Variants in MAPT observed in about 807,000 individuals in gnomAD.
MAPT encodes microtubule-associated protein tau.
MAPT carries 34 observed loss-of-function variants against 67.9 expected under a neutral mutation model. That is an observed-to-expected ratio of 0.50 (90% confidence interval 0.38 to 0.67). The LOEUF is 0.67. Ranked by LOEUF, MAPT falls within the 30% of genes least tolerant of loss-of-function variation. MAPT has a pLI of 0.00. For synonymous variants in MAPT, 456 were observed against 464.5 expected (o/e 0.98, Z 0.23); for missense variants, 881 against 1,115.2 (o/e 0.79, Z 2.99).
intron 11 of MAPT, among the ~76,000 whole-genome samples, chr17:46,016,627 C>T (rs62062280): frequency 0.14 from 21,771 of 152,000 alleles, 2,127 homozygotes; most frequent in Non-Finnish European, 0.22. Flanking sequence ...AAAAATTAGC[C>T]GGGCATGGTG....
At chr17:45,989,004 G>T (rs770551809) in intron 6 of MAPT, among the ~76,000 whole-genome samples, 2 of 152,126 alleles carry the variant, frequency 1.3e-5, no homozygotes, top group Admixed American at 6.5e-5. Flanking sequence ...GTGTGGTGGG[G>T]GTGGGTGTAA....
In MAPT at chr17:46,018,706, C is replaced by T. The variant is rs747658161; in HGVS notation, c.2262C>T (p.His754=). ...SKIGSLDNIT[H]VPGGGNKKIE... ...TTGGGTCCCTGGACAATATCACCCA[C>T]GTCCCTGGCGGAGGAAATAAAAAGG... Residue 754 remains histidine (H), a synonymous_variant, in exon 12 of 13, where the codon CAC becomes CAT. Transcript: ENST00000262410. 119 of 1,613,822 alleles carry T rather than the reference C, an allele frequency of 7.4e-5. No homozygotes were observed. The highest frequency in any genetic ancestry group is 3.7e-4 in the African/African-American group (28 of 74,912).
At chr17:45,999,670 G>A (rs1036725799) in intron 9 of MAPT, 11 of 1,583,374 alleles carry the variant, frequency 6.9e-6, no homozygotes, top group Non-Finnish European at 8.6e-6. Context: ...AGTGTAGAAA[G>A]GGGCAGATGG....
At chr17:45,946,899 A>G (rs1286845078) in intron 1 of MAPT, among the ~76,000 whole-genome samples, 1 of 152,122 alleles carries the variant, frequency 6.6e-6, no homozygotes, top group Non-Finnish European at 1.5e-5. Flanking sequence ...CCGTGTGCAC[A>G]CAGTGGCACC....
At chr17:45,978,932 G>A (rs2145581549) in intron 4 of MAPT, 1 of 154,200 alleles carries the variant, frequency 6.5e-6, no homozygotes, top group East Asian at 1.9e-4. Context: ...GAACCCAGGA[G>A]GTGGACGTTG....
chr17:45,949,834 G>A (rs1193047026), intron 1 of MAPT, among the ~76,000 whole-genome samples: 1 of 152,182 alleles, frequency 6.6e-6, no homozygotes, highest in Non-Finnish European at 1.5e-5. Context: ...GTGGCAGGTG[G>A]AGGAAGGCGG....
intron 1 of MAPT, among the ~76,000 whole-genome samples, chr17:45,941,660 TTCCCC>T (rs2067905908): frequency 2.4e-5 from 2 of 84,768 alleles, no homozygotes; most frequent in Admixed American, 1.5e-4. Context: ...CCTTCCACCC[TTCCCC>T]CCTTCCCCCC....
intron 1 of MAPT, among the ~76,000 whole-genome samples, chr17:45,938,022 C>A (rs879439037): frequency 1.3e-5 from 2 of 152,194 alleles, no homozygotes; most frequent in Non-Finnish European, 2.9e-5. Flanking sequence ...CATCCAGGTC[C>A]ATTTCTTTCC....
chr17:45,983,496 A>T lies in MAPT; in HGVS notation c.917A>T (p.Asp306Val). Residue 306 changes from aspartate to valine, a missense_variant, in exon 5 of 13, where the codon GAC (aspartate) becomes GTC (valine). Asp to Val is a radical substitution (Grantham distance 152). Coordinates refer to ENST00000262410, the MANE Select transcript of MAPT (RefSeq NM_001377265.1). ...GACGTCGATGAGTCCTCCCCCCAAG[A>T]CTCCCCTCCCTCCAAGGCCTCCCCA... The part of the protein sequence containing the change: ...DRDVDESSPQ[D>V]SPPSKASPAQ... 1 of 1,610,984 alleles carries T rather than the reference A, an allele frequency of 6.2e-7. No homozygotes were observed. The highest frequency in any genetic ancestry group is 8.5e-7 in the Non-Finnish European group (1 of 1,178,946).
chr17:46,009,733 A>G (rs1310452485), intron 9 of MAPT, among the ~76,000 whole-genome samples: 6 of 152,186 alleles, frequency 3.9e-5, no homozygotes, highest in African/African-American at 1.4e-4. Context: ...CACCAGGGGA[A>G]CTTTTCAAAA....
intron 10 of MAPT, among the ~76,000 whole-genome samples, chr17:46,013,477 A>G (rs1265183492): frequency 6.6e-6 from 1 of 152,178 alleles, no homozygotes; most frequent in Non-Finnish European, 1.5e-5. Flanking sequence ...AGGCCTCCTC[A>G]TGTGTGTCTG....
At chr17:45,951,689 C>A (rs2069097493) in intron 1 of MAPT, among the ~76,000 whole-genome samples, 2 of 152,102 alleles carry the variant, frequency 1.3e-5, no homozygotes, top group Admixed American at 6.5e-5. Context: ...CCCCTTCCCC[C>A]ACCCCGCCCC....
chr17:45,963,528 C>T (rs2145327935), intron 2 of MAPT, among the ~76,000 whole-genome samples: 1 of 152,344 alleles, frequency 6.6e-6, no homozygotes, highest in Admixed American at 6.5e-5. Flanking sequence ...AGCAACAGCC[C>T]ACAGTGCAGC....
intron 1 of MAPT, among the ~76,000 whole-genome samples, chr17:45,947,383 C>CT (rs374326954): frequency 1.7e-3 from 232 of 138,418 alleles, no homozygotes; most frequent in East Asian, 2.9e-3. Flanking sequence ...CTTTCTTTTT[C>CT]TTTTTTTTTT....
rs2073122289 is a variant in MAPT at position 45,982,954 on chromosome 17, C to T, written c.375C>T (p.Cys125=). The T allele has an allele frequency of 1.5e-5, 22 of 1,426,198 alleles. No individual in the cohort carries two copies. Among genetic ancestry groups the T allele is most frequent in the Non-Finnish European group, 1.9e-5 (21 of 1,093,746 alleles). 88.3% of individuals were successfully genotyped at this position (1,426,198 alleles called of 1,614,324 possible). A position where few individuals can be genotyped will look rare whatever the true frequency, so the allele number is the denominator to read the frequency against. Residue 125 remains cysteine (C), a synonymous_variant, in exon 5 of 13, where the codon TGC becomes TGT. Transcript: ENST00000262410. ...EISAHVQPGP[C]GEASGVSGPC... is the part of the protein sequence containing the mutation. ...GCGCCCACGTCCAGCCTGGACCCTG[C>T]GGAGAGGCCTCTGGGGTCTCTGGGC...
intron 1 of MAPT, among the ~76,000 whole-genome samples, chr17:45,940,714 C>T (rs555614814): frequency 6.6e-6 from 1 of 152,204 alleles, no homozygotes; most frequent in Admixed American, 6.5e-5. Flanking sequence ...TGAGCAGGAC[C>T]CATTTGCCAA....
intron 1 of MAPT, among the ~76,000 whole-genome samples, chr17:45,940,817 C>T (rs920725811): frequency 5.3e-5 from 8 of 152,162 alleles, no homozygotes; most frequent in African/African-American, 1.9e-4. Context: ...AGGTAATGAG[C>T]TCCCTGTCAT....
intron 1 of MAPT, among the ~76,000 whole-genome samples, chr17:45,935,987 A>G (rs1341285037): frequency 6.6e-6 from 1 of 152,132 alleles, no homozygotes; most frequent in Non-Finnish European, 1.5e-5. Context: ...GACTGTGTGT[A>G]CCTCTTTGTC....
intron 12 of MAPT, among the ~76,000 whole-genome samples, chr17:46,021,728 C>T (rs1157286728): frequency 6.6e-6 from 1 of 152,186 alleles, no homozygotes; most frequent in Non-Finnish European, 1.5e-5. Flanking sequence ...TTGCAGTCCT[C>T]TAAGAACCTG....
Sources: gnomAD v4.1 joint callset for allele counts (sites outside exome capture counted in the v4.1 genomes callset) on GRCh38, gnomAD v4.1.1 for gene constraint, MANE v1.5 for transcripts, NCBI Gene and HGNC (gene_info 2026-07-23, HGNC 2026-07-21) for gene names.